LPAR1: variants seen among roughly 807,000 people sequenced by gnomAD.
LPAR1 encodes the protein lysophosphatidic acid receptor 1, also known as LPA receptor 1.
LPAR1 carries 5 observed loss-of-function variants against 23.8 expected under a neutral mutation model. The ratio of observed to expected loss-of-function variants is 0.21; its 90% CI spans 0.11 to 0.44. The LOEUF (loss-of-function observed/expected upper bound fraction) is 0.44, where lower values mean the gene tolerates loss of function less well. Among genes scored for constraint, LPAR1 ranks in the 20% least tolerant of loss-of-function variants. The pLI, the probability that LPAR1 is intolerant of heterozygous loss-of-function variation, is 0.99. For missense variants in LPAR1, 311 were observed against 482.8 expected (o/e 0.64, Z 3.33); for synonymous variants, 160 against 164.7 (o/e 0.97, Z 0.22).
Position 110,981,280 on chromosome 9 carries a change from C to T in LPAR1, c.-181-7722G>A, listed in dbSNP as rs117405583. ...CTGCATAGTAGTTACAAGTACAGTA[C>T]GCTAGGGAATCCAACTGCCTAGGTT... On this transcript the variant is annotated intron_variant, in intron 2 of 5. Transcript: ENST00000683809. Among the ~76,000 whole-genome samples the T allele has an allele frequency of 1.1e-3, 169 of 152,082 alleles. 1 individual carries two copies. The East Asian group carries it at 0.029, about 26-fold the overall frequency.
At chr9:110,875,886 G>GA (rs942446837) in intron 5 of LPAR1, among the ~76,000 whole-genome samples, 164 bp from the exon 6 acceptor site, 1 of 152,064 alleles carries the variant, frequency 6.6e-6, no homozygotes, top group South Asian at 2.1e-4. Flanking sequence ...GAGAAAATCA[G>GA]AAAAAATTTA....
At chr9:111,023,530 T>A (rs2097608280) in intron 2 of LPAR1, among the ~76,000 whole-genome samples, 1 of 151,976 alleles carries the variant, frequency 6.6e-6, no homozygotes, top group Non-Finnish European at 1.5e-5. Flanking sequence ...TTTTTTTTGG[T>A]TCATATGCTC....
Position 111,010,405 on chromosome 9 carries a change from A to G in LPAR1, c.-182+25717T>C, listed in dbSNP as rs185795817. 3.3e-5 allele frequency among the ~76,000 whole-genome samples: 5 copies of G among 152,222 alleles called. No homozygotes were observed. In the East Asian group the frequency reaches 9.7e-4, roughly 29 times the overall value. On this transcript the variant is annotated intron_variant, in intron 2 of 5. Transcript: ENST00000683809. ...TGATGTTAACATACATCTGGCCTCA[A>G]TTTTGATTCTTGGGAACCAGAGCAG...
chr9:110,963,262 A>C (rs2096070344), intron 4 of LPAR1, among the ~76,000 whole-genome samples: 1 of 152,234 alleles, frequency 6.6e-6, no homozygotes, highest in Non-Finnish European at 1.5e-5. Context: ...CCAAAATAAT[A>C]TCTCTTCTCA....
chr9:110,992,168 TC>T lies in LPAR1; in HGVS notation c.-181-18611del, dbSNP rs1015606053. Among the ~76,000 whole-genome samples, 4 of 152,084 alleles carry T rather than the reference TC, an allele frequency of 2.6e-5. 1 individual carries two copies. The highest frequency in any genetic ancestry group is 1.3e-4 in the Admixed American group (2 of 15,282). ...AGTATATGTCCATAAGGAACTTGTA[TC>T]CAAAGCATATAAGAAATTTCAAAAT... On this transcript the variant is annotated intron_variant, in intron 2 of 5. Transcript: ENST00000683809.
intron 5 of LPAR1, among the ~76,000 whole-genome samples, chr9:110,919,477 G>A (rs1400184533): frequency 1.3e-5 from 2 of 152,152 alleles, no homozygotes; most frequent in East Asian, 3.9e-4. Flanking sequence ...GAGACTGAGA[G>A]ATAATTCATG....
intron 2 of LPAR1, among the ~76,000 whole-genome samples, chr9:111,031,495 C>T (rs1330440227): frequency 6.6e-6 from 1 of 151,724 alleles, no homozygotes; most frequent in Non-Finnish European, 1.5e-5. Flanking sequence ...CCTGCGGTCC[C>T]AGCTACTTGG....
chr9:111,033,143 A>G (rs1469188219), intron 2 of LPAR1, among the ~76,000 whole-genome samples: 1 of 152,170 alleles, frequency 6.6e-6, no homozygotes, highest in East Asian at 1.9e-4. Flanking sequence ...TCATTTCTGG[A>G]AAAAAATAAT....
At chr9:111,037,236 T>G (rs1039572088) in intron 1 of LPAR1, among the ~76,000 whole-genome samples, 2 of 152,204 alleles carry the variant, frequency 1.3e-5, no homozygotes, top group African/African-American at 2.4e-5. Context: ...TTTCAATATT[T>G]ATGTTTACCA....
chr9:111,037,497 C>A (rs936483342), intron 1 of LPAR1, among the ~76,000 whole-genome samples: 1 of 152,242 alleles, frequency 6.6e-6, no homozygotes, highest in African/African-American at 2.4e-5. Context: ...AGGAGTCCTA[C>A]GCAAGTCAAA....
intron 4 of LPAR1, among the ~76,000 whole-genome samples, chr9:110,947,472 G>A (rs992038664): frequency 6.6e-6 from 1 of 152,198 alleles, no homozygotes; most frequent in African/African-American, 2.4e-5. Context: ...CTGCTCTATA[G>A]AGTAGATGTT....
Position 110,941,779 on chromosome 9 carries a change from C to G in LPAR1, c.435G>C (p.Glu145Asp). The G allele has an allele frequency of 6.2e-7, 1 of 1,614,202 alleles. No homozygotes were observed. Among genetic ancestry groups the G allele is most frequent in the Non-Finnish European group, 8.5e-7 (1 of 1,180,024 alleles). Residue 145 changes from glutamate (E) to aspartate (D), a missense_variant, in exon 5 of 6, where the codon GAG (glutamate) becomes GAC (aspartate). By Grantham distance (45) the Glu-to-Asp change is conservative. Transcript: ENST00000683809. The surrounding 1 kb of genome is among the most constrained non-coding windows in gnomAD (Gnocchi z 6.1). ...GCATGCGGAAAACCGTAATGTGCCT[C>G]TCGATTGCAATAGCCAGTAAGTTGG... The part of the protein sequence containing the change: ...SVANLLAIAI[E>D]RHITVFRMQL...
intron 2 of LPAR1, among the ~76,000 whole-genome samples, chr9:111,012,866 T>C (rs2097360741): frequency 6.6e-6 from 1 of 152,130 alleles, no homozygotes; most frequent in East Asian, 1.9e-4. Context: ...CGTTTAATAG[T>C]AAGCGGGAAT....
At chr9:110,950,351 G>C (rs1230553010) in intron 4 of LPAR1, among the ~76,000 whole-genome samples, 3 of 151,640 alleles carry the variant, frequency 2.0e-5, no homozygotes, top group Non-Finnish European at 2.9e-5. Context: ...TGTAATCCCA[G>C]CTATTTGGGA....
At chr9:110,990,301 C>G (rs1274304263) in intron 2 of LPAR1, among the ~76,000 whole-genome samples, 2 of 152,100 alleles carry the variant, frequency 1.3e-5, no homozygotes, top group Non-Finnish European at 2.9e-5. Context: ...ACACATTCCT[C>G]TCAAGAACAA....
chr9:110,929,487 C>G (rs2094255008), intron 5 of LPAR1, among the ~76,000 whole-genome samples: 1 of 152,090 alleles, frequency 6.6e-6, no homozygotes, highest in South Asian at 2.1e-4. Flanking sequence ...CATAAGCAAG[C>G]AAAATTTCTG....
At chr9:110,935,796 T>C (rs1166392148) in intron 5 of LPAR1, among the ~76,000 whole-genome samples, 1 of 152,184 alleles carries the variant, frequency 6.6e-6, no homozygotes, top group East Asian at 1.9e-4. Context: ...GTGAGGACTC[T>C]GCCTATAAGG....
At chr9:111,032,733 A>G (rs2097823741) in intron 2 of LPAR1, among the ~76,000 whole-genome samples, 1 of 152,232 alleles carries the variant, frequency 6.6e-6, no homozygotes, top group Admixed American at 6.5e-5. Flanking sequence ...GTTTAGACAC[A>G]TAAGTTAATG....
intron 5 of LPAR1, among the ~76,000 whole-genome samples, chr9:110,930,684 G>A (rs1015282550): frequency 3.3e-5 from 5 of 152,050 alleles, no homozygotes; most frequent in African/African-American, 1.2e-4. Context: ...GGGAGGCTGA[G>A]GTGGGTGGAT....
Sources: gnomAD v4.1 joint callset for allele counts (sites outside exome capture counted in the v4.1 genomes callset) on GRCh38, gnomAD v4.1.1 for gene constraint, Gnocchi (gnomAD v3.1) non-coding constraint, MANE v1.5 for transcripts, NCBI Gene and HGNC (gene_info 2026-07-23, HGNC 2026-07-21) for gene names.